The following GLIS1 variants were observed in gnomAD, a reference collection of about 807,000 sequenced individuals.
GLIS1 encodes the protein GLIS family zinc finger 1, also known as zinc finger protein GLIS1.
A neutral mutation model predicts 63.8 loss-of-function variants in GLIS1; 24 were observed. The observed-to-expected ratio is 0.38, with a 90% CI of 0.27 to 0.53. GLIS1 has a LOEUF of 0.53. GLIS1 is among the 20% of genes least tolerant of loss of function. The pLI is 0.85. For synonymous variants in GLIS1, 450 were observed against 482.5 expected, an observed-to-expected ratio of 0.93 and a Z score of 0.88; for missense variants, 1,036 against 1,074.1, an observed-to-expected ratio of 0.96 and a Z score of 0.50.
chr1:53,734,159 A>C (rs1646891329), intron 2 of GLIS1: 1 of 984,526 alleles, frequency 1.0e-6, no homozygotes, highest in South Asian at 4.7e-5. Flanking sequence ...TGTCGTGATC[A>C]ACCTCTTTTT....
At chr1:53,525,689 G>A (rs536808806) in intron 5 of GLIS1, among the ~76,000 whole-genome samples, 4 of 151,714 alleles carry the variant, frequency 2.6e-5, no homozygotes, top group East Asian at 3.9e-4. Context: ...TCACAGACCC[G>A]CTCTTGCCTT....
chr1:53,531,745 C>T (rs750280245), intron 4 of GLIS1, among the ~76,000 whole-genome samples: 1 of 152,216 alleles, frequency 6.6e-6, no homozygotes, highest in Non-Finnish European at 1.5e-5. Context: ...ATGCCTGAGG[C>T]AGCCTGTGGG....
chr1:53,662,903 C>T (rs1329079744), intron 2 of GLIS1, among the ~76,000 whole-genome samples: 2 of 152,230 alleles, frequency 1.3e-5, no homozygotes, highest in African/African-American at 2.4e-5. Context: ...ACACTGTACA[C>T]CCCCATTTTA....
intron 2 of GLIS1, among the ~76,000 whole-genome samples, chr1:53,709,856 A>G (rs543063868): frequency 6.6e-6 from 1 of 152,210 alleles, no homozygotes; most frequent in Non-Finnish European, 1.5e-5. Flanking sequence ...GACGGGCATG[A>G]AGACAGAGTG....
chr1:53,570,233 C>T (rs894350744), intron 4 of GLIS1, among the ~76,000 whole-genome samples: 1 of 152,008 alleles, frequency 6.6e-6, no homozygotes, highest in African/African-American at 2.4e-5. Context: ...CTTCCTACCT[C>T]AGCCTCCCAA....
At chr1:53,659,365 T>C (rs1446496264) in intron 2 of GLIS1, among the ~76,000 whole-genome samples, 1 of 151,950 alleles carries the variant, frequency 6.6e-6, no homozygotes, top group Non-Finnish European at 1.5e-5. Flanking sequence ...CCTAGAGAGG[T>C]AGTGAGATGC....
At chr1:53,608,477 T>C (rs1645394184) in intron 2 of GLIS1, among the ~76,000 whole-genome samples, 2 of 152,192 alleles carry the variant, frequency 1.3e-5, no homozygotes, top group African/African-American at 2.4e-5. Flanking sequence ...TAGGATCCCA[T>C]ATTTCCTATA....
In GLIS1 at chr1:53,594,143, G is replaced by A. The variant is rs781071820; in HGVS notation, c.1285C>T (p.Arg429Ter). 2.5e-6 allele frequency: 4 copies of A among 1,613,108 alleles called. No homozygotes were observed. The highest frequency in any genetic ancestry group is 2.5e-6 in the Non-Finnish European group (3 of 1,179,380). The change falls in exon 4 of 11, where the codon CGA becomes TGA. Residue 429 changes from arginine to a stop codon, truncating the protein, a stop_gained. Transcript: ENST00000628545. LOFTEE classifies it high-confidence loss of function. Reference sequence around the variant, plus strand: ...TTGGGCTTCTCGCCCGAGTGCACTCGCATGTGGATGAGCAGCTTGTAGCGG... The same window carrying A: ...TTGGGCTTCTCGCCCGAGTGCACTCACATGTGGATGAGCAGCTTGTAGCGG... ...NARYKLLIHM[R>*]VHSGEKPNKC...
At chr1:53,691,552 G>A (rs1487067316) in intron 2 of GLIS1, among the ~76,000 whole-genome samples, 4 of 152,116 alleles carry the variant, frequency 2.6e-5, no homozygotes, top group South Asian at 2.1e-4. Flanking sequence ...GCTCTCCCAC[G>A]TCCATGAGCT....
chr1:53,697,465 C>T (rs1450238866), intron 2 of GLIS1, among the ~76,000 whole-genome samples: 1 of 152,244 alleles, frequency 6.6e-6, no homozygotes, highest in Non-Finnish European at 1.5e-5. Flanking sequence ...AAGTCCCACC[C>T]TCCTCTGGGG....
At chr1:53,519,552 G>C (rs1644385541) in intron 7 of GLIS1, among the ~76,000 whole-genome samples, 1 of 152,180 alleles carries the variant, frequency 6.6e-6, no homozygotes, top group South Asian at 2.1e-4. Context: ...AGAGCGCAAG[G>C]ACTGTCAGCT....
chr1:53,611,391 A>G (rs1253115380), intron 2 of GLIS1, among the ~76,000 whole-genome samples: 2 of 152,192 alleles, frequency 1.3e-5, no homozygotes, highest in Non-Finnish European at 2.9e-5. Context: ...CGCCTGGCCA[A>G]TCACAGTTAT....
chr1:53,612,074 T>A (rs1041648026), intron 2 of GLIS1, among the ~76,000 whole-genome samples: 2 of 152,144 alleles, frequency 1.3e-5, no homozygotes, highest in African/African-American at 2.4e-5. Flanking sequence ...TCAAGTGATC[T>A]TCCCCCCTCA....
chr1:53,681,624 G>A (rs1007493322), intron 2 of GLIS1, among the ~76,000 whole-genome samples: 1 of 152,236 alleles, frequency 6.6e-6, no homozygotes, highest in African/African-American at 2.4e-5. Context: ...AGCTTCCACA[G>A]CTCCAGGATG....
rs1237043857 is a variant in GLIS1 at position 53,737,832 on chromosome 1, G to A, written c.233C>T (p.Pro78Leu). The A allele has an allele frequency of 1.6e-6, 2 of 1,231,136 alleles. No individual in the cohort carries two copies. Among genetic ancestry groups the A allele is most frequent in the Non-Finnish European group, 2.0e-6 (2 of 987,510 alleles). The allele number at this position is 1,231,136 out of a possible 1,614,324, so 76.3% of individuals were successfully genotyped here. ...CTTCCCGGCGGCGGCGGCCTTGGAT[G>A]GACCGTAGTCTCGGGGACTGCGGGG... The part of the protein sequence containing the change: ...LRPRSPRDYG[P>L]SKAAAAGKVN... Residue 78 changes from proline to leucine, a missense_variant, in exon 2 of 11, where the codon CCA (proline) becomes CTA (leucine). Pro to Leu is a moderately conservative substitution (Grantham distance 98). Coordinates refer to ENST00000628545, the MANE Select transcript of GLIS1 (RefSeq NM_001367484.1).
chr1:53,550,126 T>C (rs529005640), intron 4 of GLIS1, among the ~76,000 whole-genome samples: 14 of 152,346 alleles, frequency 9.2e-5, no homozygotes, highest in Non-Finnish European at 1.5e-4. Context: ...TTCAATTTTA[T>C]TCGCAAAGAA....
chr1:53,579,455 C>T (rs1645064238), intron 4 of GLIS1, among the ~76,000 whole-genome samples: 1 of 152,268 alleles, frequency 6.6e-6, no homozygotes, highest in African/African-American at 2.4e-5. Context: ...GCTGCTCAGG[C>T]TGTGGGAGGG....
chr1:53,593,716 GGAGA>G (rs1244505683), intron 4 of GLIS1, among the ~76,000 whole-genome samples: 1 of 152,234 alleles, frequency 6.6e-6, no homozygotes, highest in Non-Finnish European at 1.5e-5. Flanking sequence ...CAGCGCTGGA[GGAGA>G]GTATGTTCTC....
chr1:53,659,507 A>G (rs188674512), intron 2 of GLIS1, among the ~76,000 whole-genome samples: 1 of 152,336 alleles, frequency 6.6e-6, no homozygotes, highest in African/African-American at 2.4e-5. Context: ...GGACTTCCTC[A>G]AGGTCACATG....
Sources: gnomAD v4.1 joint callset for allele counts (sites outside exome capture counted in the v4.1 genomes callset) on GRCh38, gnomAD v4.1.1 for gene constraint, MANE v1.5 for transcripts, NCBI Gene and HGNC (gene_info 2026-07-23, HGNC 2026-07-21) for gene names.